The following DENND1A variants were observed in gnomAD, a reference collection of about 807,000 sequenced individuals.
DENND1A encodes the protein DENN domain-containing protein 1A.
In DENND1A, 51 loss-of-function variants were observed where a neutral mutation model predicts 113.7. The ratio of observed to expected loss-of-function variants is 0.45; its 90% CI spans 0.36 to 0.57. The LOEUF is 0.57. Among genes scored for constraint, DENND1A ranks in the 20% least tolerant of loss-of-function variants. The pLI, the probability that DENND1A is intolerant of heterozygous loss-of-function variation, is 0.00. For missense variants in DENND1A, 1,258 were observed against 1,395.9 expected, an observed-to-expected ratio of 0.90 and a Z score of 1.57; for synonymous variants, 565 against 570.8, an observed-to-expected ratio of 0.99 and a Z score of 0.14.
At chr9:123,671,239 T>G in intron 7 of DENND1A, 52 bp downstream of exon 7, 1 of 1,602,988 alleles carries the variant, frequency 6.2e-7, no homozygotes, top group Non-Finnish European at 8.5e-7. Context: ...TCCCTCTTAC[T>G]GTCAATAATG....
At chr9:123,652,988 T>C (rs1225274845) in intron 8 of DENND1A, among the ~76,000 whole-genome samples, 2 of 152,182 alleles carry the variant, frequency 1.3e-5, no homozygotes, top group African/African-American at 4.8e-5. Context: ...ATTTCTTCAA[T>C]GTTACAGGTT....
rs1038243820 is a variant in DENND1A, at chr9:123,490,735, A to C, written c.994-32838T>G. Among the ~76,000 whole-genome samples the C allele has an allele frequency of 2.6e-5, 4 of 152,206 alleles. 1 individual carries two copies. Among genetic ancestry groups the C allele is most frequent in the Admixed American group, 1.3e-4 (2 of 15,284 alleles). Reference sequence around the variant, plus strand: ...TATTTTATTTTATACAATATATGCTATAATTTCAATACTTAATCAATATAG... The same window carrying C: ...TATTTTATTTTATACAATATATGCTCTAATTTCAATACTTAATCAATATAG... On this transcript the variant is annotated intron_variant, in intron 13 of 23. Transcript: ENST00000394215.
At chr9:123,720,274 C>T (rs2067245592) in intron 5 of DENND1A, among the ~76,000 whole-genome samples, 3 of 151,930 alleles carry the variant, frequency 2.0e-5, no homozygotes, top group South Asian at 2.1e-4. Context: ...AACAGGGCAG[C>T]GGGAGTGAGG....
At chr9:123,735,784 A>G (rs1220111372) in intron 5 of DENND1A, among the ~76,000 whole-genome samples, 1 of 152,196 alleles carries the variant, frequency 6.6e-6, no homozygotes, top group African/African-American at 2.4e-5. Context: ...GGATCACTTG[A>G]AGTCAGGAGT....
chr9:123,544,961 G>A (rs1189921056), intron 13 of DENND1A, among the ~76,000 whole-genome samples: 4 of 152,028 alleles, frequency 2.6e-5, no homozygotes, highest in South Asian at 2.1e-4. Flanking sequence ...AGCCGGTCGT[G>A]GTGGCGGGCG....
chr9:123,602,983 C>T (rs2059998527), intron 11 of DENND1A, among the ~76,000 whole-genome samples: 1 of 152,226 alleles, frequency 6.6e-6, no homozygotes, highest in African/African-American at 2.4e-5. Context: ...GACACATATA[C>T]AAGTCACCAT....
At chr9:123,713,752 T>C (rs1027476188) in intron 5 of DENND1A, among the ~76,000 whole-genome samples, 2 of 152,144 alleles carry the variant, frequency 1.3e-5, no homozygotes, top group Non-Finnish European at 1.5e-5. Flanking sequence ...CTTAGATACA[T>C]TATCATATTT....
chr9:123,544,306 TTATC>T (rs762195169), intron 13 of DENND1A, among the ~76,000 whole-genome samples: 13 of 152,226 alleles, frequency 8.5e-5, no homozygotes, highest in South Asian at 4.1e-4. Flanking sequence ...CCAATTAAAA[TTATC>T]TATTAAAGGA....
chr9:123,710,603 A>C (rs2066515240), intron 5 of DENND1A, among the ~76,000 whole-genome samples: 1 of 150,054 alleles, frequency 6.7e-6, no homozygotes, highest in South Asian at 2.1e-4. Flanking sequence ...AGAAATTCTG[A>C]TAATTTTTAA....
At chr9:123,402,408 T>C in intron 21 of DENND1A, 1 of 447,848 alleles carries the variant, frequency 2.2e-6, no homozygotes, top group Non-Finnish European at 4.6e-6. Context: ...AGGCCCCAGC[T>C]TGACAGCTCG....
At chr9:123,706,644 G>A (rs1384756101) in intron 5 of DENND1A, among the ~76,000 whole-genome samples, 4 of 151,372 alleles carry the variant, frequency 2.6e-5, no homozygotes, top group African/African-American at 7.3e-5. Context: ...GGTGGCGGGC[G>A]CCTGTCGTCC....
chr9:123,803,279 G>A (rs756393449), intron 2 of DENND1A, among the ~76,000 whole-genome samples: 12 of 152,270 alleles, frequency 7.9e-5, no homozygotes, highest in Admixed American at 2.6e-4. Flanking sequence ...CAGCTATGCC[G>A]ATTAATCTCA....
intron 2 of DENND1A, among the ~76,000 whole-genome samples, chr9:123,799,198 C>T (rs1427031434): frequency 1.3e-5 from 2 of 152,182 alleles, no homozygotes; most frequent in East Asian, 3.8e-4. Context: ...GGAACACCCA[C>T]TATTTGCCAG....
At chr9:123,565,823 G>A (rs1417646512) in intron 12 of DENND1A, among the ~76,000 whole-genome samples, 1 of 152,136 alleles carries the variant, frequency 6.6e-6, no homozygotes, top group Non-Finnish European at 1.5e-5. Context: ...AAAACAAAAA[G>A]TCTTAATATG....
Position 123,769,485 on chromosome 9 carries a change from TC to T in DENND1A, c.182+28del, listed in dbSNP as rs765608442. The T allele has an allele frequency of 5.7e-6, 9 of 1,583,510 alleles. No homozygotes were observed. In the South Asian group the frequency reaches 9.2e-5, roughly 16 times the overall value. On this transcript the variant is annotated intron_variant, in intron 4 of 23. Transcript: ENST00000394215. Reference sequence around the variant, plus strand: ...ATAGCAGGTTTATTGATACTTTTTTTCTAGTAAAGTTTGAAAATCTGACACT... The same window carrying T: ...ATAGCAGGTTTATTGATACTTTTTTTTAGTAAAGTTTGAAAATCTGACACT...
chr9:123,423,578 GCA>G (rs2131872256), intron 19 of DENND1A, among the ~76,000 whole-genome samples: 1 of 152,308 alleles, frequency 6.6e-6, no homozygotes, highest in African/African-American at 2.4e-5. Flanking sequence ...TAATGCTGGT[GCA>G]CACTGATGGA....
chr9:123,765,486 C>T (rs762638155), intron 4 of DENND1A, among the ~76,000 whole-genome samples: 3 of 152,174 alleles, frequency 2.0e-5, no homozygotes, highest in Admixed American at 6.5e-5. Flanking sequence ...ACATCCTGAC[C>T]ATTAAATGAT....
At chr9:123,584,431 C>T (rs1316869400) in intron 11 of DENND1A, among the ~76,000 whole-genome samples, 2 of 152,172 alleles carry the variant, frequency 1.3e-5, no homozygotes, top group Non-Finnish European at 2.9e-5. Context: ...ACGTGCCTGC[C>T]GAGTGGCACC....
intron 7 of DENND1A, among the ~76,000 whole-genome samples, chr9:123,667,867 G>A (rs1187073875): frequency 6.6e-6 from 1 of 152,070 alleles, no homozygotes; most frequent in Non-Finnish European, 1.5e-5. Context: ...TCCAGTTGCT[G>A]GAGCACTGGA....
Sources: gnomAD v4.1 joint callset for allele counts (sites outside exome capture counted in the v4.1 genomes callset) on GRCh38, gnomAD v4.1.1 for gene constraint, MANE v1.5 for transcripts, NCBI Gene and HGNC (gene_info 2026-07-23, HGNC 2026-07-21) for gene names.